SNTG1: variants seen among roughly 807,000 people sequenced by gnomAD.
SNTG1 encodes syntrophin gamma 1.
SNTG1 carries 39 observed loss-of-function variants against 74.7 expected under a neutral mutation model. The observed-to-expected ratio is 0.52, with a 90% confidence interval of 0.40 to 0.68. The LOEUF (loss-of-function observed/expected upper bound fraction) is 0.68. Ranked by LOEUF, SNTG1 falls within the 30% of genes least tolerant of loss-of-function variation. The pLI, the probability that SNTG1 is intolerant of heterozygous loss-of-function variation, is 0.00. For synonymous variants in SNTG1, 254 were observed against 217.1 expected (o/e 1.17, Z -1.49); for missense variants, 685 against 609.5 (o/e 1.12, Z -1.30).
In SNTG1 at chr8:50,122,998, C is replaced by G. The variant is rs1319975241; in HGVS notation, c.-102-49563C>G. ...GATTCAGGGGGCTCATAACTTCTAGCATACTGTGACAGATTCAGAAACTAA... is the reference window on the plus strand; with the variant it reads ...GATTCAGGGGGCTCATAACTTCTAGGATACTGTGACAGATTCAGAAACTAA... On this transcript the variant is annotated intron_variant, in intron 1 of 18. Transcript: ENST00000642720. 1.4e-5 allele frequency among the ~76,000 whole-genome samples: 2 copies of G among 142,616 alleles called. 1 individual carries two copies. The highest frequency in any genetic ancestry group is 5.1e-5 in the African/African-American group (2 of 39,392). The allele number at this position is 142,616 out of a possible 152,430, so 93.6% of individuals were successfully genotyped here.
At chr8:50,265,875 T>C (rs2087439436) in intron 2 of SNTG1, among the ~76,000 whole-genome samples, 1 of 151,930 alleles carries the variant, frequency 6.6e-6, no homozygotes, top group African/African-American at 2.4e-5. Context: ...TGGAATAAAT[T>C]TCATGAAAGT....
chr8:50,041,406 A>G (rs552935649), intron 1 of SNTG1, among the ~76,000 whole-genome samples: 1 of 152,184 alleles, frequency 6.6e-6, no homozygotes, highest in Non-Finnish European at 1.5e-5. Context: ...TAACACTAAT[A>G]AAGACTCTAA....
At chr8:50,523,675 T>G (rs1179775606) in intron 9 of SNTG1, among the ~76,000 whole-genome samples, 3 of 152,150 alleles carry the variant, frequency 2.0e-5, no homozygotes, top group Non-Finnish European at 4.4e-5. Context: ...GTAGCATCAA[T>G]GATGACTGAT....
intron 9 of SNTG1, among the ~76,000 whole-genome samples, chr8:50,511,797 G>T (rs1001255383): frequency 2.0e-5 from 3 of 151,994 alleles, no homozygotes; most frequent in African/African-American, 7.3e-5. Flanking sequence ...TTTATTTTGA[G>T]CCTATGTGTG....
rs571884814 is a variant in SNTG1, at chr8:50,225,859, T to C, written c.-28+53224T>C. Among the ~76,000 whole-genome samples the C allele has an allele frequency of 5.3e-5, 8 of 152,298 alleles. No individual in the cohort carries two copies. In the South Asian group the frequency reaches 1.0e-3, roughly 20 times the overall value. Reference sequence around the variant, plus strand: ...AATATCCATTTTGTTTACTTTATGTTGTAGCTTGTGGTTCAAGAAGTATTG... The same window carrying C: ...AATATCCATTTTGTTTACTTTATGTCGTAGCTTGTGGTTCAAGAAGTATTG... On this transcript the variant is annotated intron_variant, in intron 2 of 18. Coordinates refer to ENST00000642720, the MANE Select transcript of SNTG1 (RefSeq NM_018967.5).
chr8:50,261,564 T>C (rs1394382945), intron 2 of SNTG1, among the ~76,000 whole-genome samples: 1 of 152,096 alleles, frequency 6.6e-6, no homozygotes, highest in Non-Finnish European at 1.5e-5. Context: ...CTACTAATTA[T>C]TAGCAACAAT....
At chr8:50,778,256 T>C (rs2095647208) in intron 18 of SNTG1, among the ~76,000 whole-genome samples, 1 of 152,200 alleles carries the variant, frequency 6.6e-6, no homozygotes, top group African/African-American at 2.4e-5. Context: ...TTTCCAGTTC[T>C]AGATCCCTGA....
intron 2 of SNTG1, among the ~76,000 whole-genome samples, chr8:50,196,742 A>T (rs114903257): frequency 3.4e-4 from 51 of 151,228 alleles, no homozygotes; most frequent in African/African-American, 1.2e-3. Context: ...GGATCACTTG[A>T]GGTCAGGTGT....
intron 13 of SNTG1, among the ~76,000 whole-genome samples, chr8:50,650,605 ATTACT>A (rs1391110339): frequency 6.6e-6 from 1 of 152,176 alleles, no homozygotes; most frequent in Non-Finnish European, 1.5e-5. Flanking sequence ...TACAGATTAC[ATTACT>A]TTAATAATTA....
At chr8:50,350,584 G>C (rs2091626122) in intron 2 of SNTG1, among the ~76,000 whole-genome samples, 1 of 143,312 alleles carries the variant, frequency 7.0e-6, no homozygotes, top group South Asian at 2.2e-4. Flanking sequence ...GTCTAGCTAA[G>C]GGATTGTAAA....
intron 2 of SNTG1, among the ~76,000 whole-genome samples, chr8:50,290,805 C>T (rs2089055811): frequency 6.6e-6 from 1 of 152,062 alleles, no homozygotes; most frequent in Admixed American, 6.6e-5. Context: ...GTCCCCCAGG[C>T]TGGAGTGCAA....
intron 13 of SNTG1, among the ~76,000 whole-genome samples, chr8:50,648,666 A>G (rs1173143964): frequency 6.6e-6 from 1 of 152,158 alleles, no homozygotes; most frequent in Non-Finnish European, 1.5e-5. Context: ...ATTGTATGAC[A>G]TTTTAAAAAC....
rs1412735334 is a variant in SNTG1, at chr8:50,505,927, A to C, written c.466+3047A>C. On this transcript the variant is annotated intron_variant, in intron 9 of 18. Transcript: ENST00000642720. ...GTCATATTCAGAAAATAATTGCCAA[A>C]TCCAATGTCATAAAGATTTTTCTCT... is the stretch of plus-strand genomic sequence containing the variant. 3.3e-5 allele frequency among the ~76,000 whole-genome samples: 5 copies of C among 152,064 alleles called. No homozygotes were observed. The South Asian group carries it at 1.0e-3, about 32-fold the overall frequency.
At chr8:49,999,642 C>T (rs553144999) in intron 1 of SNTG1, among the ~76,000 whole-genome samples, 5 of 152,226 alleles carry the variant, frequency 3.3e-5, no homozygotes, top group African/African-American at 1.2e-4. Flanking sequence ...GAACACTCTT[C>T]CCCCAATGTC....
At chr8:50,032,094 C>A (rs1817785624) in intron 1 of SNTG1, among the ~76,000 whole-genome samples, 2 of 151,692 alleles carry the variant, frequency 1.3e-5, no homozygotes, top group South Asian at 2.1e-4. Context: ...TATAGTAATT[C>A]TTTTTATCCT....
chr8:50,472,102 T>C (rs763829417), intron 8 of SNTG1, among the ~76,000 whole-genome samples: 5 of 152,172 alleles, frequency 3.3e-5, no homozygotes, highest in Non-Finnish European at 7.3e-5. Flanking sequence ...AGAATTTTTA[T>C]TAATACATCA....
intron 1 of SNTG1, among the ~76,000 whole-genome samples, chr8:50,014,707 T>G (rs1816147383): frequency 6.6e-6 from 1 of 152,104 alleles, no homozygotes; most frequent in South Asian, 2.1e-4. Flanking sequence ...GGAAAACTTC[T>G]AAACAATAGT....
chr8:49,967,698 C>T (rs2129866101), intron 1 of SNTG1, among the ~76,000 whole-genome samples: 1 of 152,264 alleles, frequency 6.6e-6, no homozygotes, highest in African/African-American at 2.4e-5. Context: ...ATAGCTTTTT[C>T]ATTTGTAGTG....
intron 1 of SNTG1, among the ~76,000 whole-genome samples, chr8:50,053,019 A>G (rs1819705758): frequency 6.6e-6 from 1 of 152,152 alleles, no homozygotes; most frequent in Admixed American, 6.6e-5. Context: ...TAAAATATTT[A>G]GCCTAGAGTT....
Sources: allele counts gnomAD v4.1 joint callset (sites outside exome capture counted in the v4.1 genomes callset), GRCh38; gene constraint gnomAD v4.1.1; transcripts MANE v1.5; gene names NCBI Gene and HGNC (gene_info 2026-07-23, HGNC 2026-07-21).